Variants in GAPVD1 observed in about 807,000 individuals in gnomAD.
GAPVD1 encodes GTPase-activating protein and VPS9 domain-containing protein 1.
GAPVD1 carries 35 observed loss-of-function variants against 155.5 expected under a neutral mutation model. The ratio of observed to expected loss-of-function variants is 0.23; its 90% confidence interval spans 0.17 to 0.30. The LOEUF is 0.30. GAPVD1 is among the 10% of genes least tolerant of loss of function. The pLI is 1.00. For missense variants in GAPVD1, 1,429 were observed against 1,775.7 expected (o/e 0.80, Z 3.51); for synonymous variants, 636 against 619.7 (o/e 1.03, Z -0.39).
At chr9:125,263,854 A>G in intron 1 of GAPVD1, 1 of 1,272,124 alleles carries the variant, frequency 7.9e-7, no homozygotes, top group Non-Finnish European at 1.1e-6. Flanking sequence ...CGGGGGGCAG[A>G]TGAAGGTAAT....
chr9:125,345,581 A>G (rs1441235917), intron 19 of GAPVD1, among the ~76,000 whole-genome samples: 2 of 152,228 alleles, frequency 1.3e-5, no homozygotes, highest in Non-Finnish European at 2.9e-5. Flanking sequence ...GCAGTTTACT[A>G]CAATTTCACG....
At chr9:125,290,456 G>A (rs1269170475) in intron 2 of GAPVD1, among the ~76,000 whole-genome samples, 3 of 152,156 alleles carry the variant, frequency 2.0e-5, no homozygotes, top group East Asian at 1.9e-4. Flanking sequence ...AGTAGAAAGA[G>A]CATAGATGTA....
intron 2 of GAPVD1, among the ~76,000 whole-genome samples, chr9:125,269,784 C>G (rs1208407125): frequency 7.5e-6 from 1 of 134,180 alleles, no homozygotes; most frequent in Non-Finnish European, 1.5e-5. Flanking sequence ...GTGGCATGAT[C>G]TCTGCTTACT....
At chr9:125,273,921 C>T (rs1835318602) in intron 2 of GAPVD1, among the ~76,000 whole-genome samples, 1 of 151,386 alleles carries the variant, frequency 6.6e-6, no homozygotes. Context: ...GCTGAGAGCT[C>T]TTTTCTTTTT....
intron 10 of GAPVD1, among the ~76,000 whole-genome samples, chr9:125,322,946 G>A (rs765381708): frequency 3.2e-4 from 49 of 151,412 alleles, no homozygotes; most frequent in Admixed American, 2.8e-3. Flanking sequence ...CCAGCTACTC[G>A]GGAGACTGAG....
intron 10 of GAPVD1, 110 bp downstream of exon 10, chr9:125,321,672 G>A: frequency 1.0e-6 from 1 of 963,516 alleles, no homozygotes; most frequent in Non-Finnish European, 1.5e-6. Context: ...TCTCACTGAG[G>A]AGACTAATGA....
chr9:125,306,184 A>T (rs1178054269), intron 6 of GAPVD1, among the ~76,000 whole-genome samples: 2 of 150,780 alleles, frequency 1.3e-5, no homozygotes, highest in Non-Finnish European at 3.0e-5. Flanking sequence ...CCTTCTTGTC[A>T]CAGAGGTTCG....
At chr9:125,354,574 A>G (rs1478116555) in intron 23 of GAPVD1, 80 bp from the exon 24 acceptor site, 4 of 918,494 alleles carry the variant, frequency 4.4e-6, no homozygotes, top group Non-Finnish European at 6.8e-6. Context: ...ATTTTTCTAA[A>G]GAAAAGTTAG....
chr9:125,332,723 A>T, intron 15 of GAPVD1, 94 bp downstream of exon 15: 6 of 1,022,476 alleles, frequency 5.9e-6, no homozygotes, highest in Non-Finnish European at 8.9e-6. Flanking sequence ...ATCTGTTGGT[A>T]TAGCACTTTG....
intron 6 of GAPVD1, 72 bp downstream of exon 6, chr9:125,305,221 G>T: frequency 1.1e-6 from 1 of 936,634 alleles, no homozygotes; most frequent in Non-Finnish European, 1.7e-6. Flanking sequence ...ATTAAATCTT[G>T]TCCTTAGGTG....
chr9:125,300,594 C>A (rs984178412), intron 4 of GAPVD1, among the ~76,000 whole-genome samples: 3 of 152,042 alleles, frequency 2.0e-5, no homozygotes, highest in Non-Finnish European at 4.4e-5. Context: ...CAGGACTGAT[C>A]TTTGATGACA....
intron 3 of GAPVD1, among the ~76,000 whole-genome samples, chr9:125,298,217 A>G (rs1443608441): frequency 1.3e-5 from 2 of 152,174 alleles, no homozygotes; most frequent in African/African-American, 4.8e-5. Flanking sequence ...TATTTTGAAG[A>G]TAGAATCAAC....
intron 2 of GAPVD1, among the ~76,000 whole-genome samples, chr9:125,275,145 G>A (rs147035636): frequency 4.0e-5 from 6 of 150,640 alleles, no homozygotes; most frequent in African/African-American, 9.8e-5. Flanking sequence ...GTGTGATCTC[G>A]GCTCACTGCA....
chr9:125,341,022 C>T (rs896482109), intron 17 of GAPVD1, among the ~76,000 whole-genome samples, 155 bp from the exon 18 acceptor site: 1 of 152,166 alleles, frequency 6.6e-6, no homozygotes, highest in African/African-American at 2.4e-5. Flanking sequence ...GAAGTCGAGG[C>T]TGCAGTGAGC....
chr9:125,340,498 A>T (rs1046480131), intron 17 of GAPVD1, among the ~76,000 whole-genome samples: 6 of 152,164 alleles, frequency 3.9e-5, no homozygotes, highest in African/African-American at 1.4e-4. Context: ...AAAAGGCCGA[A>T]TATAGGACCT....
intron 9 of GAPVD1, among the ~76,000 whole-genome samples, chr9:125,317,085 G>A (rs959790559): frequency 7.2e-5 from 11 of 151,932 alleles, no homozygotes; most frequent in South Asian, 2.1e-4. Flanking sequence ...TTTGGGAGGC[G>A]AAGGTGGGCT....
intron 20 of GAPVD1, among the ~76,000 whole-genome samples, chr9:125,348,753 C>T (rs1022385169): frequency 2.0e-5 from 3 of 152,036 alleles, no homozygotes; most frequent in Non-Finnish European, 2.9e-5. Context: ...CTCATGTGAT[C>T]CACCCACCAA....
chr9:125,301,986 T>A lies in GAPVD1; in HGVS notation c.189T>A (p.Ala63=). The change falls in exon 5 of 28, where the codon GCT becomes GCA. Residue 63 remains alanine (A), a synonymous_variant. Coordinates refer to ENST00000297933, the MANE Select transcript of GAPVD1 (RefSeq NM_001282680.3). ...CTCTTTTTTTTTTTTTTTTTAGTGC[T>A]GAAGCTTCCCCTGCTGAATGTTGCC... ...INLDRLIITS[A]EASPAECCQH... The A allele has an allele frequency of 6.4e-7, 1 of 1,551,262 alleles. No individual in the cohort carries two copies. The highest frequency in any genetic ancestry group is 1.4e-5 in the African/African-American group (1 of 71,648).
At chr9:125,333,973 C>T (rs553005212) in intron 15 of GAPVD1, among the ~76,000 whole-genome samples, 5 of 152,094 alleles carry the variant, frequency 3.3e-5, no homozygotes, top group African/African-American at 7.2e-5. Flanking sequence ...GTTGTGACAA[C>T]GAAAAATGTC....
Sources: gnomAD v4.1 joint callset for allele counts (sites outside exome capture counted in the v4.1 genomes callset) on GRCh38, gnomAD v4.1.1 for gene constraint, MANE v1.5 for transcripts, NCBI Gene and HGNC (gene_info 2026-07-23, HGNC 2026-07-21) for gene names.